Variants in SNTB2 observed in about 807,000 individuals in gnomAD.
SNTB2 encodes the protein syntrophin beta 2, also known as beta-2-syntrophin.
A neutral mutation model predicts 46.2 loss-of-function variants in SNTB2; 34 were observed. The observed-to-expected ratio is 0.74, with a 90% CI of 0.56 to 0.98. SNTB2 has a LOEUF of 0.98. Ranked by LOEUF, SNTB2 falls within the 50% of genes least tolerant of loss-of-function variation. The probability of loss-of-function intolerance (pLI) is 0.00; values close to 1 mark genes in which losing one functional copy is unlikely to be tolerated. For synonymous variants in SNTB2, 290 were observed against 312.6 expected (o/e 0.93, Z 0.76); for missense variants, 603 against 731.4 (o/e 0.82, Z 2.02).
intron 1 of SNTB2, among the ~76,000 whole-genome samples, chr16:69,205,646 G>A (rs1047434455): frequency 3.3e-5 from 5 of 152,006 alleles, no homozygotes; most frequent in Admixed American, 6.6e-5. Flanking sequence ...ATGACATAAT[G>A]GCTTTTTCTT....
chr16:69,218,317 G>T (rs1964368277), intron 1 of SNTB2, among the ~76,000 whole-genome samples: 1 of 152,052 alleles, frequency 6.6e-6, no homozygotes, highest in Non-Finnish European at 1.5e-5. Context: ...TACTTGACAA[G>T]AATATTTGTC....
rs77672543 is a variant in SNTB2 at position 69,209,838 on chromosome 16, G to A, written c.580+22092G>A. ...ACCTTTTTCTTATATAACCGAATGA[G>A]TCCCCCACCTCAAGATGTTTAAACT... On this transcript the variant is annotated intron_variant, in intron 1 of 6. Transcript: ENST00000336278. Among the ~76,000 whole-genome samples, 699 of 152,040 alleles carry A rather than the reference G, an allele frequency of 4.6e-3. 31 individuals carry two copies. In the South Asian group the frequency reaches 0.091, roughly 20 times the overall value.
chr16:69,273,953 T>C (rs1256652006), intron 4 of SNTB2, among the ~76,000 whole-genome samples: 2 of 152,172 alleles, frequency 1.3e-5, no homozygotes, highest in Non-Finnish European at 2.9e-5. Flanking sequence ...GCTCAAGTGT[T>C]AGCTGCTTTA....
rs531379402 is a variant in SNTB2, at chr16:69,304,966, C to T, written c.*4042C>T. ...TACAGATGTGAGCCACTGCACCTGG[C>T]CCCAGAAATTATGCTTAAAAAAAAA... On this transcript the variant is annotated 3_prime_UTR_variant, in exon 7 of 7. Transcript: ENST00000336278. 1 of 151,642 alleles carries T rather than the reference C, an allele frequency of 6.6e-6. No homozygotes were observed. Among genetic ancestry groups the T allele is most frequent in the East Asian group, 1.9e-4 (1 of 5,168 alleles). 9.4% of individuals were successfully genotyped at this position (151,642 alleles called of 1,614,324 possible). A position where few individuals can be genotyped will look rare whatever the true frequency, so the allele number is the denominator to read the frequency against.
At chr16:69,232,000 A>G (rs560939737) in intron 1 of SNTB2, among the ~76,000 whole-genome samples, 2 of 152,300 alleles carry the variant, frequency 1.3e-5, no homozygotes, top group Admixed American at 6.5e-5. Flanking sequence ...ACCAAGGGGA[A>G]TTTATACAGT....
chr16:69,234,904 T>C (rs112279208), intron 1 of SNTB2, among the ~76,000 whole-genome samples: 493 of 151,954 alleles, frequency 3.2e-3, no homozygotes, highest in Admixed American at 5.0e-3. Context: ...GGTTTCACCA[T>C]GTTGGCCAGG....
intron 3 of SNTB2, among the ~76,000 whole-genome samples, chr16:69,261,944 C>T (rs977644579): frequency 2.0e-5 from 3 of 151,962 alleles, no homozygotes; most frequent in Non-Finnish European, 4.4e-5. Context: ...TGTGGTGGCT[C>T]ATACCTGTAA....
chr16:69,191,086 A>G (rs1332203328), intron 1 of SNTB2: 1 of 152,100 alleles, frequency 6.6e-6, no homozygotes, highest in Admixed American at 6.6e-5. Flanking sequence ...ATAGATGATA[A>G]GAATTATTTT....
At position 69,203,934 on chromosome 16, in the gene SNTB2, C is replaced by A. The variant is rs1408202813; in HGVS notation, c.580+16188C>A. On this transcript the variant is annotated intron_variant, in intron 1 of 6. Transcript: ENST00000336278. Reference sequence around the variant, plus strand: ...CTGAGATGGAGTATTGCTCTGTCGCCCAGGCTGGAGCGTAGTGGCGCGATC... The same window carrying A: ...CTGAGATGGAGTATTGCTCTGTCGCACAGGCTGGAGCGTAGTGGCGCGATC... 2.0e-5 allele frequency among the ~76,000 whole-genome samples: 3 copies of A among 152,098 alleles called. No homozygotes were observed. The East Asian group carries it at 5.8e-4, about 29-fold the overall frequency.
intron 4 of SNTB2, among the ~76,000 whole-genome samples, chr16:69,270,877 G>T (rs1336635934): frequency 2.6e-5 from 4 of 152,180 alleles, no homozygotes; most frequent in Non-Finnish European, 4.4e-5. Context: ...GATCATAACT[G>T]TGAAACTAGA....
chr16:69,207,628 A>T (rs1026006534), intron 1 of SNTB2, among the ~76,000 whole-genome samples: 1 of 152,238 alleles, frequency 6.6e-6, no homozygotes, highest in African/African-American at 2.4e-5. Flanking sequence ...TGCACAGATC[A>T]TAAAAACGTG....
At chr16:69,278,327 TA>T (rs539105579) in intron 4 of SNTB2, among the ~76,000 whole-genome samples, 2 of 150,124 alleles carry the variant, frequency 1.3e-5, no homozygotes, top group Non-Finnish European at 3.0e-5. Context: ...AAATGAAAAT[TA>T]AAAAAAAAGA....
At chr16:69,225,646 G>T (rs1305392200) in intron 1 of SNTB2, among the ~76,000 whole-genome samples, 1 of 152,200 alleles carries the variant, frequency 6.6e-6, no homozygotes, top group Non-Finnish European at 1.5e-5. Flanking sequence ...TATTTTAGGG[G>T]ACACATGTCT....
chr16:69,293,368 G>C (rs1442375375), intron 5 of SNTB2, among the ~76,000 whole-genome samples: 2 of 152,148 alleles, frequency 1.3e-5, no homozygotes, highest in African/African-American at 4.8e-5. Context: ...CTATAAAGAA[G>C]AATAGAGAAA....
chr16:69,282,701 T>A (rs1207796480), intron 4 of SNTB2, among the ~76,000 whole-genome samples: 1 of 86,890 alleles, frequency 1.2e-5, no homozygotes, highest in African/African-American at 5.0e-5. Context: ...CATCTTAATA[T>A]GGAGTCTTTC....
intron 1 of SNTB2, chr16:69,242,040 A>C (rs1446906141): frequency 6.6e-6 from 1 of 152,054 alleles, no homozygotes; most frequent in African/African-American, 2.4e-5. Context: ...AGAGCTTAGA[A>C]TTCAGTAAGA....
At chr16:69,253,717 C>CT (rs1964746908) in intron 2 of SNTB2, among the ~76,000 whole-genome samples, 1 of 152,118 alleles carries the variant, frequency 6.6e-6, no homozygotes, top group African/African-American at 2.4e-5. Context: ...CTATTCTCAT[C>CT]TTTTTTCAGC....
intron 5 of SNTB2, among the ~76,000 whole-genome samples, chr16:69,293,206 A>C (rs1965191307): frequency 6.6e-6 from 1 of 152,152 alleles, no homozygotes; most frequent in Non-Finnish European, 1.5e-5. Flanking sequence ...TGATTGAGTC[A>C]GTTTGGCTCA....
At chr16:69,263,468 G>T (rs977199021) in intron 3 of SNTB2, among the ~76,000 whole-genome samples, 1 of 150,816 alleles carries the variant, frequency 6.6e-6, no homozygotes, top group Non-Finnish European at 1.5e-5. Context: ...GCCCAGGCTG[G>T]GGTGCAATGA....
Sources: allele counts gnomAD v4.1 joint callset (sites outside exome capture counted in the v4.1 genomes callset), GRCh38; gene constraint gnomAD v4.1.1; transcripts MANE v1.5; gene names NCBI Gene and HGNC (gene_info 2026-07-23, HGNC 2026-07-21).